PPFIA2: variants seen among roughly 807,000 people sequenced by gnomAD.
PPFIA2 encodes the protein PPFI scaffold protein A2, also known as liprin-alpha-2.
PPFIA2 carries 46 observed loss-of-function variants against 175.5 expected under a neutral mutation model. The observed-to-expected ratio is 0.26, with a 90% CI of 0.21 to 0.34. PPFIA2 has a LOEUF of 0.34. Ranked by LOEUF, PPFIA2 falls within the 10% of genes least tolerant of loss-of-function variation. The pLI, the probability that PPFIA2 is intolerant of heterozygous loss-of-function variation, is 1.00. For synonymous variants in PPFIA2, 568 were observed against 511.4 expected (o/e 1.11, Z -1.49); for missense variants, 1,179 against 1,506.1 (o/e 0.78, Z 3.60).
chr12:81,489,977 C>A lies in PPFIA2; in HGVS notation c.304-32111G>T, dbSNP rs1433156431. 4.6e-5 allele frequency among the ~76,000 whole-genome samples: 7 copies of A among 151,970 alleles called. No individual in the cohort carries two copies. The East Asian group carries it at 1.2e-3, about 25-fold the overall frequency. The stretch of plus-strand genomic sequence containing the variant: ...TGTCCATCTATCTATTTTTCTATCT[C>A]TTTTTCTTATTATTACAATCTTTCT... On this transcript the variant is annotated intron_variant, in intron 4 of 32. Coordinates refer to ENST00000549396, the MANE Select transcript of PPFIA2 (RefSeq NM_003625.5).
chr12:81,440,813 G>GATATATATATATATATCCTGAT (rs2050040820), intron 6 of PPFIA2, among the ~76,000 whole-genome samples: 1 of 143,120 alleles, frequency 7.0e-6, no homozygotes, highest in South Asian at 2.2e-4. Flanking sequence ...TATATGTCCT[G>GATATATATATATATATCCTGAT]ATATATATAT....
intron 4 of PPFIA2, among the ~76,000 whole-genome samples, chr12:81,648,586 C>G (rs933609310): frequency 6.6e-6 from 1 of 151,648 alleles, no homozygotes; most frequent in South Asian, 2.1e-4. Flanking sequence ...TTTATATATC[C>G]TATGTAATCT....
intron 28 of PPFIA2, among the ~76,000 whole-genome samples, chr12:81,273,301 C>T (rs1169145317): frequency 6.6e-6 from 1 of 152,084 alleles, no homozygotes; most frequent in Non-Finnish European, 1.5e-5. Context: ...GTTTTGGCAC[C>T]TCTAAATTCC....
intron 31 of PPFIA2, 97 bp from the exon 32 acceptor site, chr12:81,262,137 AC>A: frequency 2.5e-6 from 2 of 806,272 alleles, no homozygotes; most frequent in Non-Finnish European, 4.2e-6. Context: ...GGGATTCCGA[AC>A]ATATTAGTAG....
At chr12:81,353,555 T>C (rs939667247) in intron 16 of PPFIA2, among the ~76,000 whole-genome samples, 1 of 152,154 alleles carries the variant, frequency 6.6e-6, no homozygotes. Flanking sequence ...AAGATTTTAG[T>C]AGAAATAAAG....
intron 22 of PPFIA2, among the ~76,000 whole-genome samples, chr12:81,307,975 A>C (rs556927605): frequency 2.6e-5 from 4 of 151,842 alleles, no homozygotes; most frequent in African/African-American, 9.7e-5. Context: ...ATTTTTTTCT[A>C]TTAAGATTCT....
intron 8 of PPFIA2, among the ~76,000 whole-genome samples, chr12:81,391,727 G>A (rs910844651): frequency 6.6e-6 from 1 of 151,794 alleles, no homozygotes; most frequent in Non-Finnish European, 1.5e-5. Flanking sequence ...GCAGTATTTG[G>A]GTCAAGCTTA....
At chr12:81,471,892 T>C (rs1310006945) in intron 4 of PPFIA2, among the ~76,000 whole-genome samples, 1 of 152,222 alleles carries the variant, frequency 6.6e-6, no homozygotes, top group Non-Finnish European at 1.5e-5. Context: ...GATGAACATG[T>C]TTATTACCTG....
chr12:81,667,194 T>G (rs752426192), intron 4 of PPFIA2, among the ~76,000 whole-genome samples: 26 of 152,094 alleles, frequency 1.7e-4, no homozygotes, highest in South Asian at 6.2e-4. Flanking sequence ...TTCCACTATA[T>G]CTTCCCCTCA....
At chr12:81,482,584 G>T (rs1191287641) in intron 4 of PPFIA2, among the ~76,000 whole-genome samples, 1 of 152,084 alleles carries the variant, frequency 6.6e-6, no homozygotes, top group Non-Finnish European at 1.5e-5. Flanking sequence ...CATGTCCTTT[G>T]CAGGGACATG....
At position 81,290,148 on chromosome 12, in the gene PPFIA2, AC is replaced by A. The variant is rs772645383; in HGVS notation, c.2925+4686del. ...TTCTCCTCAGAACTTCAGTTAATAA[AC>A]ACGAAATACCTGGCTGAGGAACCCA... On this transcript the variant is annotated intron_variant, in intron 24 of 32. Coordinates refer to ENST00000549396, the MANE Select transcript of PPFIA2 (RefSeq NM_003625.5). Among the ~76,000 whole-genome samples the A allele has an allele frequency of 4.0e-5, 6 of 151,868 alleles. No individual in the cohort carries two copies. The South Asian group carries it at 1.0e-3, about 26-fold the overall frequency.
Position 81,281,257 on chromosome 12 carries a change from C to T in PPFIA2, c.3212G>A (p.Arg1071Gln). ...GGGAAAAAAAAGAAAAAACACCTAC[C>T]GATGGAAACTATCCACCATTTTTAA... The part of the protein sequence containing the change: ...VHLKMVDSFH[R>Q]TSLQYGIMCL... The change falls in exon 27 of 33, where the codon CGA becomes CAA. Residue 1071 changes from arginine to glutamine, a missense_variant and splice_region_variant. Arg to Gln is a conservative substitution (Grantham distance 43). This residue lies in a region of PPFIA2 where 245 missense variants were observed against 375.1 expected (regional missense o/e 0.65). Coordinates refer to ENST00000549396, the MANE Select transcript of PPFIA2 (RefSeq NM_003625.5). 1.3e-6 allele frequency: 2 copies of T among 1,566,748 alleles called. No individual in the cohort carries two copies. The highest frequency in any genetic ancestry group is 1.9e-5 in the Admixed American group (1 of 53,466).
In PPFIA2 at chr12:81,608,218, G is replaced by A. The variant is rs2060527117; in HGVS notation, c.303+68573C>T. Among the ~76,000 whole-genome samples, 8 of 152,100 alleles carry A rather than the reference G, an allele frequency of 5.3e-5. No individual in the cohort carries two copies. In the South Asian group the frequency reaches 1.5e-3, roughly 28 times the overall value. On this transcript the variant is annotated intron_variant, in intron 4 of 32. Coordinates refer to ENST00000549396, the MANE Select transcript of PPFIA2 (RefSeq NM_003625.5). ...TTATAGTATTCTGTTGAGGATTTTT[G>A]CAACTATGATCATAAGGGATACTGG... is the stretch of plus-strand genomic sequence containing the variant.
chr12:81,364,611 C>A (rs565614528), intron 14 of PPFIA2, among the ~76,000 whole-genome samples: 9 of 151,762 alleles, frequency 5.9e-5, no homozygotes, highest in Non-Finnish European at 1.3e-4. Flanking sequence ...CCTGGATTTT[C>A]TAGCAGAGAA....
intron 22 of PPFIA2, chr12:81,312,317 T>C: frequency 1.4e-6 from 1 of 736,284 alleles, no homozygotes; most frequent in African/African-American, 1.8e-5. Context: ...TGGTGCCATT[T>C]TGTATTTCAT....
intron 4 of PPFIA2, among the ~76,000 whole-genome samples, chr12:81,666,689 C>A (rs2070374129): frequency 6.6e-6 from 1 of 151,986 alleles, no homozygotes; most frequent in African/African-American, 2.4e-5. Flanking sequence ...TGCAGCACAC[C>A]AGCATGGCAC....
chr12:81,275,927 G>A (rs546669867), intron 28 of PPFIA2, among the ~76,000 whole-genome samples: 3 of 151,960 alleles, frequency 2.0e-5, no homozygotes, highest in Admixed American at 6.5e-5. Context: ...TGGGACTACA[G>A]GCGCCTGCCA....
intron 17 of PPFIA2, 111 bp downstream of exon 17, chr12:81,353,008 G>T: frequency 1.1e-6 from 1 of 890,376 alleles, no homozygotes; most frequent in Non-Finnish European, 1.8e-6. Flanking sequence ...AGATTCTGCA[G>T]ATCTATTAAG....
chr12:81,273,974 C>T (rs1055966296), intron 28 of PPFIA2, among the ~76,000 whole-genome samples: 3 of 148,746 alleles, frequency 2.0e-5, no homozygotes, highest in Admixed American at 6.9e-5. Flanking sequence ...TGTTAATTGT[C>T]TCTCTGAGTC....
Sources: gnomAD v4.1 joint callset for allele counts (sites outside exome capture counted in the v4.1 genomes callset) on GRCh38, gnomAD v4.1.1 for gene constraint, gnomAD v4.1.1 regional missense constraint, MANE v1.5 for transcripts, NCBI Gene and HGNC (gene_info 2026-07-23, HGNC 2026-07-21) for gene names.